The following ZNF438 variants were observed in gnomAD, a reference collection of about 807,000 sequenced individuals.
The protein encoded by ZNF438 is zinc finger protein 438.
ZNF438 carries 25 observed loss-of-function variants against 38.0 expected under a neutral mutation model. The observed-to-expected ratio is 0.66, with a 90% CI of 0.48 to 0.92. The LOEUF (loss-of-function observed/expected upper bound fraction) is 0.92. ZNF438 is among the 40% of genes least tolerant of loss of function. The pLI is 0.00. For synonymous variants in ZNF438, 372 were observed against 364.1 expected, an observed-to-expected ratio of 1.02 and a Z score of -0.25; for missense variants, 1,007 against 999.6, an observed-to-expected ratio of 1.01 and a Z score of -0.10.
intron 1 of ZNF438, among the ~76,000 whole-genome samples, chr10:31,027,279 A>G (rs1409421039): frequency 6.6e-6 from 1 of 152,178 alleles, no homozygotes; most frequent in Non-Finnish European, 1.5e-5. Context: ...AATTATATTT[A>G]AATGCTCAGT....
At chr10:30,927,685 G>A (rs552026140) in intron 2 of ZNF438, among the ~76,000 whole-genome samples, 28 of 152,290 alleles carry the variant, frequency 1.8e-4, no homozygotes, top group African/African-American at 5.8e-4. Flanking sequence ...AAATAAACCC[G>A]AAGGGTCTTT....
intron 1 of ZNF438, among the ~76,000 whole-genome samples, chr10:30,962,509 G>A (rs1375270634): frequency 6.8e-6 from 1 of 147,404 alleles, no homozygotes; most frequent in African/African-American, 2.4e-5. Flanking sequence ...GGGGGTGGGT[G>A]TTCCCAAGTT....
chr10:30,937,447 T>C (rs369425170), intron 2 of ZNF438, among the ~76,000 whole-genome samples: 11 of 152,232 alleles, frequency 7.2e-5, no homozygotes, highest in Admixed American at 4.6e-4. Context: ...GGTTGTGTTA[T>C]TGCATATGTG....
chr10:30,874,114 G>GTGTGTATA (rs1257613270), intron 4 of ZNF438, among the ~76,000 whole-genome samples: 1 of 80,290 alleles, frequency 1.2e-5, no homozygotes, highest in Non-Finnish European at 2.3e-5. Context: ...GTGTGTGTGT[G>GTGTGTATA]TATATATATA....
chr10:30,931,475 T>C (rs891783678), intron 2 of ZNF438, among the ~76,000 whole-genome samples: 4 of 152,208 alleles, frequency 2.6e-5, no homozygotes, highest in African/African-American at 4.8e-5. Context: ...TACTAATACT[T>C]GAACAACAGA....
At chr10:31,025,710 C>T (rs1249932641) in intron 1 of ZNF438, among the ~76,000 whole-genome samples, 2 of 152,130 alleles carry the variant, frequency 1.3e-5, no homozygotes, top group African/African-American at 4.8e-5. Context: ...TAACCTGTCA[C>T]TAAAGCTTAG....
intron 4 of ZNF438, among the ~76,000 whole-genome samples, chr10:30,853,585 A>G (rs1205531991): frequency 6.6e-6 from 1 of 152,102 alleles, no homozygotes; most frequent in African/African-American, 2.4e-5. Context: ...CGTTTCCTTC[A>G]AGGTTTTGCA....
chr10:30,946,037 T>G lies in ZNF438; in HGVS notation c.-191-4386A>C, dbSNP rs1389501228. ...CCCACCAACAGTGTAAAAGTGTTCC[T>G]ATTTCTCCACATCCTCTCCAGCACC... On this transcript the variant is annotated intron_variant, in intron 1 of 5. Coordinates refer to ENST00000413025, the Ensembl canonical transcript of ZNF438. 3.8e-4 allele frequency among the ~76,000 whole-genome samples: 53 copies of G among 140,596 alleles called. 1 individual carries two copies. The highest frequency in any genetic ancestry group is 1.5e-5 in the Non-Finnish European group (1 of 65,658). The allele number at this position is 140,596 out of a possible 152,430, so 92.2% of individuals were successfully genotyped here. A position where few individuals can be genotyped will look rare whatever the true frequency, so the allele number is the denominator to read the frequency against.
chr10:30,886,831 G>A (rs73243087), intron 3 of ZNF438, among the ~76,000 whole-genome samples: 7,124 of 152,148 alleles, frequency 0.047, 555 homozygotes, highest in African/African-American at 0.16. Context: ...TTAAAGTAAC[G>A]TTATTGAAGG....
At position 30,869,306 on chromosome 10, in the gene ZNF438, G is replaced by A. The variant is rs888507196; in HGVS notation, c.37+7692C>T. On this transcript the variant is annotated intron_variant, in intron 4 of 5. Transcript: ENST00000413025. ...GGAGAATCGCTTGAACCAGGGAGGCGGAGGTTGCAGTGAGCCAAGATCACA... is the reference window on the plus strand; with the variant it reads ...GGAGAATCGCTTGAACCAGGGAGGCAGAGGTTGCAGTGAGCCAAGATCACA... Among the ~76,000 whole-genome samples the A allele has an allele frequency of 4.6e-4, 70 of 152,132 alleles. 1 individual carries two copies. Among genetic ancestry groups the A allele is most frequent in the East Asian group, 1.9e-4 (1 of 5,172 alleles).
intron 2 of ZNF438, among the ~76,000 whole-genome samples, chr10:30,930,831 A>AAAAAAAAAAAAAAAAAAAAAAAC (rs2045594688): frequency 8.6e-6 from 1 of 115,892 alleles, no homozygotes; most frequent in African/African-American, 3.2e-5. Flanking sequence ...AAAAAAAAAA[A>AAAAAAAAAAAAAAAAAAAAAAAC]AAAGCAAATG....
chr10:30,903,558 A>G (rs2042273179), intron 3 of ZNF438, among the ~76,000 whole-genome samples: 1 of 152,222 alleles, frequency 6.6e-6, no homozygotes, highest in Non-Finnish European at 1.5e-5. Context: ...TTACCTAAAA[A>G]TGAGGACGCT....
At position 30,931,213 on chromosome 10, in the gene ZNF438, T is replaced by C. The variant is rs2045657419; in HGVS notation, c.-115+10362A>G. 7.2e-5 allele frequency among the ~76,000 whole-genome samples: 11 copies of C among 152,246 alleles called. No individual in the cohort carries two copies. In the South Asian group the frequency reaches 2.3e-3, roughly 32 times the overall value. On this transcript the variant is annotated intron_variant, in intron 2 of 5. Coordinates refer to ENST00000413025, the Ensembl canonical transcript of ZNF438. ...TGGATGGACAACCATCTTGAGCTGCTAGTGGTCATCTTACTGACCATGCCT... is the reference window on the plus strand; with the variant it reads ...TGGATGGACAACCATCTTGAGCTGCCAGTGGTCATCTTACTGACCATGCCT...
intron 3 of ZNF438, among the ~76,000 whole-genome samples, chr10:30,895,869 T>A (rs1265027519): frequency 6.6e-6 from 1 of 152,216 alleles, no homozygotes; most frequent in Non-Finnish European, 1.5e-5. Flanking sequence ...TTGGTGAGGA[T>A]ATGGAGGAAT....
intron 2 of ZNF438, among the ~76,000 whole-genome samples, chr10:30,938,300 G>A (rs2046463981): frequency 1.3e-5 from 2 of 149,502 alleles, no homozygotes; most frequent in South Asian, 4.2e-4. Context: ...TTTTTTAGAT[G>A]GAGTTTCTCT....
chr10:30,970,420 G>A (rs558254654), intron 1 of ZNF438, among the ~76,000 whole-genome samples: 18 of 152,066 alleles, frequency 1.2e-4, no homozygotes, highest in South Asian at 2.1e-4. Flanking sequence ...ATGTAATTTC[G>A]ACCCTACAGC....
chr10:30,963,376 G>C (rs1218396433), intron 1 of ZNF438, among the ~76,000 whole-genome samples: 5 of 100,520 alleles, frequency 5.0e-5, no homozygotes, highest in Non-Finnish European at 1.8e-5. Flanking sequence ...TGGGCGACAA[G>C]AGTGAAACTC....
At chr10:30,845,301 G>C in exon 6 of ZNF438, 2 of 1,614,126 alleles carry the variant, frequency 1.2e-6, no homozygotes, top group Non-Finnish European at 1.7e-6. Flanking sequence ...TTCCTCGGAG[G>C]AGGAATGAAC....
chr10:30,880,436 A>C (rs1260127899), intron 3 of ZNF438, among the ~76,000 whole-genome samples: 1 of 151,188 alleles, frequency 6.6e-6, no homozygotes, highest in South Asian at 2.1e-4. Flanking sequence ...TATCTAAAAA[A>C]AAAAAAAAAA....
Sources: allele counts gnomAD v4.1 joint callset (sites outside exome capture counted in the v4.1 genomes callset), GRCh38; gene constraint gnomAD v4.1.1; transcripts MANE v1.5; gene names NCBI Gene and HGNC (gene_info 2026-07-23, HGNC 2026-07-21).